RPS29: variants seen among roughly 807,000 people sequenced by gnomAD.
RPS29 encodes ribosomal protein S29.
For synonymous variants in RPS29, 37 were observed against 26.9 expected (o/e 1.37, Z -1.16); for missense variants, 60 against 75.7 (o/e 0.79, Z 0.77).
intron 1 of RPS29, chr14:49,598,170 T>A (rs1233866534): frequency 2.0e-6 from 1 of 511,862 alleles, no homozygotes; most frequent in Non-Finnish European, 3.4e-6. Flanking sequence ...CGGCTAGGAT[T>A]AGGTTAAGGT....
chr14:49,577,827 G>A (rs761384483), exon 3 of RPS29: 15 of 1,602,276 alleles, frequency 9.4e-6, no homozygotes, highest in Non-Finnish European at 1.3e-5. Context: ...TCCATAGGCA[G>A]TGCCAAGGAA....
chr14:49,594,467 G>A (rs1299541952), intron 1 of RPS29, among the ~76,000 whole-genome samples: 1 of 152,188 alleles, frequency 6.6e-6, no homozygotes, highest in Admixed American at 6.6e-5. Flanking sequence ...GCAGTGCTAA[G>A]AATGGAAAGG....
exon 3 of RPS29, chr14:49,574,060 G>A (rs1881119049): frequency 6.6e-6 from 1 of 152,100 alleles, no homozygotes; most frequent in Non-Finnish European, 1.5e-5. Context: ...TTATTATTTA[G>A]GAAATGAAAC....
intron 1 of RPS29, among the ~76,000 whole-genome samples, chr14:49,595,395 A>G: frequency 6.6e-6 from 1 of 151,208 alleles, no homozygotes; most frequent in East Asian, 2.0e-4. Context: ...AGACCAGACT[A>G]GGCAACATAG....
exon 3 of RPS29, chr14:49,577,706 A>T: frequency 1.1e-6 from 1 of 905,994 alleles, no homozygotes; most frequent in Non-Finnish European, 1.8e-6. Flanking sequence ...GTTACCCTTA[A>T]TTTTGACATA....
At chr14:49,595,606 T>A (rs1260690330) in intron 1 of RPS29, among the ~76,000 whole-genome samples, 1 of 149,768 alleles carries the variant, frequency 6.7e-6, no homozygotes, top group Non-Finnish European at 1.5e-5. Context: ...TCTCCAAAAC[T>A]AAGCTAAACT....
At chr14:49,583,746 G>C in intron 2 of RPS29, 71 bp from the exon 3 acceptor site, 1 of 962,282 alleles carries the variant, frequency 1.0e-6, no homozygotes, top group Non-Finnish European at 1.7e-6. Context: ...CAAAAAAAAG[G>C]CTCATTATAG....
At chr14:49,596,349 C>T (rs952367566) in intron 1 of RPS29, among the ~76,000 whole-genome samples, 3 of 152,094 alleles carry the variant, frequency 2.0e-5, no homozygotes, top group African/African-American at 7.2e-5. Flanking sequence ...CATTTTCAGT[C>T]TGTCTACAAG....
chr14:49,588,219 C>T (rs746380405), upstream of RPS29, among the ~76,000 whole-genome samples: 2 of 152,052 alleles, frequency 1.3e-5, no homozygotes, highest in African/African-American at 2.4e-5. Flanking sequence ...AGCCTTTGGG[C>T]CTAAAGAAGT....
Position 49,586,022 on chromosome 14 carries a change from C to A in RPS29, c.90G>T (p.Leu30=), listed in dbSNP as rs773920756. ...SCRVCSNRHG[L]IRKYGLNMCR... is the part of the protein sequence containing the mutation. ...ACATATTGAGGCCATATTTCCGGAT[C>A]AGACCGTGCCGGTTTGAACAGACAC... Residue 30 remains leucine, a synonymous_variant, in exon 2 of 3, where the codon CTG becomes CTT. Transcript: ENST00000245458. 1.2e-6 allele frequency: 2 copies of A among 1,614,002 alleles called. No homozygotes were observed. The highest frequency in any genetic ancestry group is 1.7e-6 in the Non-Finnish European group (2 of 1,179,878).
At chr14:49,581,616 C>G (rs1881336472), downstream of RPS29, among the ~76,000 whole-genome samples, 1 of 152,146 alleles carries the variant, frequency 6.6e-6, no homozygotes, top group African/African-American at 2.4e-5. Context: ...TAAATTTTTG[C>G]TATTCTCCCG....
chr14:49,594,384 G>T (rs1881777512), intron 1 of RPS29, among the ~76,000 whole-genome samples: 1 of 152,102 alleles, frequency 6.6e-6, no homozygotes, highest in Non-Finnish European at 1.5e-5. Context: ...ATGAATAAAT[G>T]TATTGAAGCA....
downstream of RPS29, among the ~76,000 whole-genome samples, chr14:49,579,389 AAGAC>A: frequency 4.6e-5 from 7 of 152,334 alleles, 1 homozygote; most frequent in Middle Eastern, 0.02. Context: ...CAAAGACACT[AAGAC>A]AGAATCCAAA....
At chr14:49,592,870 T>C (rs1881745843) in intron 1 of RPS29, among the ~76,000 whole-genome samples, 1 of 151,188 alleles carries the variant, frequency 6.6e-6, no homozygotes, top group Non-Finnish European at 1.5e-5. Context: ...ATTGCGCCAC[T>C]GCACTCCAGC....
In RPS29 at chr14:49,596,691, G is replaced by A. The variant is rs111738577; in HGVS notation, c.-133+1709C>T. Among the ~76,000 whole-genome samples, 252 of 151,792 alleles carry A rather than the reference G, an allele frequency of 1.7e-3. 1 individual carries two copies. Among genetic ancestry groups the A allele is most frequent in the African/African-American group, 5.8e-3 (239 of 41,344 alleles). On this transcript the variant is annotated intron_variant, in intron 1 of 3. Transcript: ENST00000556230. ...TCTAAAATCACCGTTGAACTGTTATGTAACTTTCATCTATTTATTTAATTA... is the reference window on the plus strand; with the variant it reads ...TCTAAAATCACCGTTGAACTGTTATATAACTTTCATCTATTTATTTAATTA...
At chr14:49,575,268 C>T (rs946685939) in exon 3 of RPS29, 1 of 152,248 alleles carries the variant, frequency 6.6e-6, no homozygotes, top group African/African-American at 2.4e-5. Flanking sequence ...GTCTTTAACT[C>T]CTGACCTCAG....
At chr14:49,571,222 T>C (rs1369632161) in exon 3 of RPS29, 1 of 152,032 alleles carries the variant, frequency 6.6e-6, no homozygotes, top group Non-Finnish European at 1.5e-5. Flanking sequence ...GTCAAGAAAA[T>C]GGTACAGAAA....
At chr14:49,598,577 G>A (rs1452599171) in exon 1 of RPS29, 1 of 702,168 alleles carries the variant, frequency 1.4e-6, no homozygotes, top group East Asian at 2.7e-5. Context: ...AGTTCTAAGT[G>A]CCTTTCCCTG....
chr14:49,594,098 A>C (rs987311756), intron 1 of RPS29, among the ~76,000 whole-genome samples: 1 of 152,208 alleles, frequency 6.6e-6, no homozygotes, highest in Non-Finnish European at 1.5e-5. Context: ...TTCAGCTCTA[A>C]AACTTGAGGA....
Sources: gnomAD v4.1 joint callset for allele counts (sites outside exome capture counted in the v4.1 genomes callset) on GRCh38, gnomAD v4.1.1 for gene constraint, MANE v1.5 for transcripts, NCBI Gene and HGNC (gene_info 2026-07-23, HGNC 2026-07-21) for gene names.